The following SLIRP variants were observed in gnomAD, a reference collection of about 807,000 sequenced individuals.
SLIRP encodes SRA stem-loop interacting RNA binding protein.
A neutral mutation model predicts 13.4 loss-of-function variants in SLIRP; 12 were observed. The observed-to-expected ratio is 0.89, with a 90% CI of 0.57 to 1.45. The LOEUF is 1.45. SLIRP is among the 40% of genes most tolerant of loss of function. SLIRP has a pLI of 0.00. For missense variants in SLIRP, 154 were observed against 132.2 expected, an observed-to-expected ratio of 1.17 and a Z score of -0.81; for synonymous variants, 55 against 47.1, an observed-to-expected ratio of 1.17 and a Z score of -0.69.
At chr14:77,715,979 T>G (rs1395205797) in intron 3 of SLIRP, 100 bp downstream of exon 3, 65 of 945,124 alleles carry the variant, frequency 6.9e-5, no homozygotes, top group East Asian at 2.9e-4. Context: ...TGATGGGGAC[T>G]TGGAGAGATT....
At chr14:77,709,219 A>C (rs1180049194) in intron 1 of SLIRP, among the ~76,000 whole-genome samples, 1 of 152,186 alleles carries the variant, frequency 6.6e-6, no homozygotes, top group African/African-American at 2.4e-5. Context: ...TTTTGAGATG[A>C]GGTTTTTATA....
At chr14:77,710,313 GAAC>G (rs1387580157) in intron 1 of SLIRP, among the ~76,000 whole-genome samples, 2 of 152,026 alleles carry the variant, frequency 1.3e-5, no homozygotes, top group East Asian at 3.9e-4. Context: ...GGAGGGGAGA[GAAC>G]AACATATGCA....
chr14:77,713,747 T>C (rs2080457095), intron 2 of SLIRP, among the ~76,000 whole-genome samples: 2 of 152,206 alleles, frequency 1.3e-5, no homozygotes, highest in South Asian at 4.1e-4. Flanking sequence ...TGGAATTTTA[T>C]ATAGTTGAAT....
chr14:77,717,347 G>T, intron 3 of SLIRP, 149 bp from the exon 4 acceptor site: 2 of 688,874 alleles, frequency 2.9e-6, no homozygotes, highest in South Asian at 1.8e-5. Flanking sequence ...ATGGTAAAAG[G>T]AATTTGAGGA....
intron 3 of SLIRP, among the ~76,000 whole-genome samples, chr14:77,717,171 A>G (rs558074041): frequency 6.6e-6 from 1 of 152,282 alleles, no homozygotes; most frequent in South Asian, 2.1e-4. Flanking sequence ...TTTTAGTTTT[A>G]ATGAGACAGG....
chr14:77,710,691 C>G (rs997817790), intron 1 of SLIRP, 147 bp from the exon 2 acceptor site: 4 of 1,558,270 alleles, frequency 2.6e-6, no homozygotes, highest in Non-Finnish European at 3.5e-6. Context: ...ATAGTCAGTA[C>G]CATAGCTGCT....
chr14:77,715,992 T>A, intron 3 of SLIRP, 113 bp downstream of exon 3: 1 of 871,806 alleles, frequency 1.1e-6, no homozygotes, highest in Non-Finnish European at 1.8e-6. Flanking sequence ...GAGAGATTTG[T>A]AACTGAAGCT....
chr14:77,708,129 G>T lies in SLIRP; in HGVS notation c.18G>T (p.Ala6=). 1 of 1,614,112 alleles carries T rather than the reference G, an allele frequency of 6.2e-7. No individual in the cohort carries two copies. Among genetic ancestry groups the T allele is most frequent in the East Asian group, 2.2e-5 (1 of 44,878 alleles). Residue 6 remains alanine, a synonymous_variant, in exon 1 of 4, where the codon GCG becomes GCT. Transcript: ENST00000557342. MAASA[A]RGAAALRRSI... ...GTCTGAAGATGGCGGCCTCAGCAGC[G>T]AGAGGTGCTGCGGCGCTGCGTAGAA... is the stretch of plus-strand genomic sequence containing the variant.
intron 2 of SLIRP, 143 bp downstream of exon 2, chr14:77,711,039 T>A: frequency 2.7e-6 from 2 of 750,890 alleles, no homozygotes; most frequent in Non-Finnish European, 4.4e-6. Context: ...CAGAGTGTAA[T>A]TGGATTATTT....
chr14:77,717,103 A>T (rs2080491264), intron 3 of SLIRP, among the ~76,000 whole-genome samples: 1 of 152,092 alleles, frequency 6.6e-6, no homozygotes, highest in African/African-American at 2.4e-5. Flanking sequence ...TGGGGCTGAA[A>T]TCTTGGCTTA....
intron 2 of SLIRP, 144 bp from the exon 3 acceptor site, chr14:77,715,626 CAG>C: frequency 1.5e-6 from 1 of 668,564 alleles, no homozygotes; most frequent in Non-Finnish European, 2.5e-6. Context: ...GCCTGGGTGA[CAG>C]AGCAAGACCC....
intron 1 of SLIRP, 183 bp from the exon 2 acceptor site, chr14:77,710,655 C>G: frequency 6.5e-7 from 1 of 1,533,054 alleles, no homozygotes; most frequent in Middle Eastern, 1.7e-4. Context: ...TCCATCTCAC[C>G]ACCAAGTCTG....
chr14:77,712,967 C>G (rs1186240398), intron 2 of SLIRP, among the ~76,000 whole-genome samples: 17 of 146,512 alleles, frequency 1.2e-4, no homozygotes, highest in Admixed American at 1.1e-3. Flanking sequence ...GGAGTGACAT[C>G]CCATTACTTT....
chr14:77,714,911 T>C (rs921751335), intron 2 of SLIRP, among the ~76,000 whole-genome samples: 1 of 152,242 alleles, frequency 6.6e-6, no homozygotes, highest in Non-Finnish European at 1.5e-5. Flanking sequence ...ATCCAAGCAC[T>C]CTAGAATCTG....
At chr14:77,711,307 G>A (rs2080438765) in intron 2 of SLIRP, among the ~76,000 whole-genome samples, 2 of 149,264 alleles carry the variant, frequency 1.3e-5, no homozygotes, top group Non-Finnish European at 3.0e-5. Context: ...CACAAAAATT[G>A]TTGAAAAAAA....
chr14:77,709,247 A>G (rs1258871431), intron 1 of SLIRP, among the ~76,000 whole-genome samples: 3 of 152,244 alleles, frequency 2.0e-5, no homozygotes, highest in Non-Finnish European at 4.4e-5. Flanking sequence ...ACCAACATGT[A>G]AACATTCGTG....
rs376819931 is a variant in SLIRP, at chr14:77,715,835, C to T, written c.220C>T (p.Arg74Trp). The stretch of plus-strand genomic sequence containing the variant: ...TCAGTTTTCTTCAGAAGAAGGACTT[C>T]GGAATGCACTACAACAGGAAAATCA... ...WVQFSSEEGLRNALQQENHII... is the reference protein window; with the variant it reads ...WVQFSSEEGLWNALQQENHII... Residue 74 changes from arginine (R) to tryptophan (W), a missense_variant, in exon 3 of 4, where the codon CGG becomes TGG. Transcript: ENST00000557342. 9.9e-6 allele frequency: 16 copies of T among 1,613,892 alleles called. No homozygotes were observed. Among genetic ancestry groups the T allele is most frequent in the East Asian group, 2.2e-5 (1 of 44,858 alleles).
In SLIRP at chr14:77,710,736, A is replaced by G. The variant is rs1595064201; in HGVS notation, c.98-102A>G. ...TTAAGCCTTTAAGGAAATGCAAAGTAGTTCCTGTCCACAAGAAATCTGGTG... is the reference window on the plus strand; with the variant it reads ...TTAAGCCTTTAAGGAAATGCAAAGTGGTTCCTGTCCACAAGAAATCTGGTG... On this transcript the variant is annotated intron_variant, in intron 1 of 3. Coordinates refer to ENST00000557342, the MANE Select transcript of SLIRP (RefSeq NM_031210.6). 5 of 1,582,510 alleles carry G rather than the reference A, an allele frequency of 3.2e-6. No individual in the cohort carries two copies. The East Asian group carries it at 1.1e-4, about 35-fold the overall frequency.
At chr14:77,713,116 T>C (rs1342480246) in intron 2 of SLIRP, among the ~76,000 whole-genome samples, 1 of 152,222 alleles carries the variant, frequency 6.6e-6, no homozygotes, top group Non-Finnish European at 1.5e-5. Flanking sequence ...AGTATTCTAA[T>C]AAGGACTTGA....
Sources: gnomAD v4.1 joint callset for allele counts (sites outside exome capture counted in the v4.1 genomes callset) on GRCh38, gnomAD v4.1.1 for gene constraint, MANE v1.5 for transcripts, NCBI Gene and HGNC (gene_info 2026-07-23, HGNC 2026-07-21) for gene names.